DDHD2: variants seen among roughly 807,000 people sequenced by gnomAD.
DDHD2 encodes the protein DDHD domain containing 2, also known as triacylglycerol hydrolase DDHD2.
A neutral mutation model predicts 91.2 loss-of-function variants in DDHD2; 62 were observed. The observed-to-expected ratio is 0.68, with a 90% CI of 0.55 to 0.84. The LOEUF (loss-of-function observed/expected upper bound fraction) is 0.84. Among genes scored for constraint, DDHD2 ranks in the 40% least tolerant of loss-of-function variants. The pLI, the probability that DDHD2 is intolerant of heterozygous loss-of-function variation, is 0.00. For synonymous variants in DDHD2, 271 were observed against 293.9 expected (o/e 0.92, Z 0.80); for missense variants, 740 against 846.9 (o/e 0.87, Z 1.57).
chr8:38,246,266 A>G lies in DDHD2; in HGVS notation c.1091A>G (p.Gln364Arg). ...SLILFDILTN[Q>R]KDSLGDIDSE... ...ATATTGTTTGATATCCTAACAAATC[A>G]GAAAGATTCTTTGGGGGATATTGAC... is the stretch of plus-strand genomic sequence containing the variant. The change falls in exon 9 of 18, where the codon CAG (glutamine) becomes CGG (arginine). Residue 364 changes from glutamine to arginine, a missense_variant. Transcript: ENST00000397166. 6.2e-7 allele frequency: 1 copy of G among 1,609,788 alleles called. No individual in the cohort carries two copies. Among genetic ancestry groups the G allele is most frequent in the Non-Finnish European group, 8.5e-7 (1 of 1,176,792 alleles).
At chr8:38,265,984 C>G (rs1396144797), downstream of DDHD2, among the ~76,000 whole-genome samples, 2 of 152,094 alleles carry the variant, frequency 1.3e-5, no homozygotes, top group Non-Finnish European at 2.9e-5. Context: ...TCTTATCTTT[C>G]CTATAATTTT....
chr8:38,272,736 C>G (rs1808512973), downstream of DDHD2: 1 of 152,218 alleles, frequency 6.6e-6, no homozygotes, highest in South Asian at 2.1e-4. Context: ...AAACCAGCCA[C>G]TTACACTCTG....
intron 1 of DDHD2, chr8:38,268,348 G>C: frequency 1.3e-6 from 2 of 1,548,766 alleles, no homozygotes; most frequent in Non-Finnish European, 1.7e-6. Flanking sequence ...CGAAGAAACC[G>C]GCCCGAAAGG....
chr8:38,265,080 A>T, downstream of DDHD2: 3 of 683,364 alleles, frequency 4.4e-6, no homozygotes, highest in Non-Finnish European at 7.9e-6. Context: ...CAGCCTGACC[A>T]ACAAGTGAAA....
intron 11 of DDHD2, 195 bp downstream of exon 11, chr8:38,249,998 C>T (rs184082877): frequency 1.1e-5 from 3 of 274,000 alleles, no homozygotes; most frequent in African/African-American, 4.4e-5. Context: ...CTCATTGCAA[C>T]CTCTGCCTCC....
At chr8:38,269,154 C>T in intron 1 of DDHD2, 1 of 1,515,146 alleles carries the variant, frequency 6.6e-7, no homozygotes, top group Non-Finnish European at 8.8e-7. Flanking sequence ...GCGAGCCGCA[C>T]GCCCACTTCG....
chr8:38,267,578 A>G (rs966910754), downstream of DDHD2: 16 of 695,120 alleles, frequency 2.3e-5, no homozygotes, highest in Middle Eastern at 4.0e-4. Context: ...AAATTAGGGG[A>G]AAAACGCCCA....
At chr8:38,268,004 A>C (rs1807942325) in intron 1 of DDHD2, 1 of 1,613,692 alleles carries the variant, frequency 6.2e-7, no homozygotes, top group African/African-American at 1.3e-5. Flanking sequence ...TCTAGGAGGA[A>C]AGGTATGGTC....
downstream of DDHD2, chr8:38,264,367 A>C: frequency 1.7e-6 from 2 of 1,199,094 alleles, no homozygotes; most frequent in Non-Finnish European, 2.3e-6. Context: ...TCCTGACCTC[A>C]GGTGATCCAC....
intron 1 of DDHD2, chr8:38,267,890 C>CACTT (rs1429213582): frequency 1.9e-6 from 3 of 1,613,762 alleles, no homozygotes; most frequent in Non-Finnish European, 2.5e-6. Flanking sequence ...TAGCTGTTGT[C>CACTT]ACTTACCTCC....
chr8:38,266,047 C>T (rs1253964393), downstream of DDHD2: 2 of 1,154,148 alleles, frequency 1.7e-6, no homozygotes, highest in African/African-American at 1.5e-5. Flanking sequence ...TTTGTTCATT[C>T]AGCAGATATT....
chr8:38,259,756 GTGA>G (rs1806827795), intron 16 of DDHD2, among the ~76,000 whole-genome samples: 1 of 152,180 alleles, frequency 6.6e-6, no homozygotes, highest in East Asian at 1.9e-4. Flanking sequence ...CAGACCTGTA[GTGA>G]CTTGTCCACC....
chr8:38,267,110 G>C (rs1807739790), downstream of DDHD2: 2 of 1,491,268 alleles, frequency 1.3e-6, no homozygotes, highest in Non-Finnish European at 1.8e-6. Context: ...AAATAGTCAA[G>C]GCTCAGACTT....
intron 9 of DDHD2, chr8:38,247,304 A>G (rs539170930): frequency 2.0e-5 from 3 of 152,258 alleles, no homozygotes; most frequent in African/African-American, 7.2e-5. Flanking sequence ...TAATTTTTGT[A>G]TCTTTAGTAG....
At chr8:38,235,061 T>C (rs536352743) in intron 3 of DDHD2, among the ~76,000 whole-genome samples, 1 of 152,358 alleles carries the variant, frequency 6.6e-6, no homozygotes, top group East Asian at 1.9e-4. Context: ...GTGAAAAAGA[T>C]ATGAATTAGA....
intron 16 of DDHD2, 107 bp downstream of exon 16, chr8:38,253,825 A>G (rs1806300984): frequency 8.5e-7 from 1 of 1,178,424 alleles, no homozygotes; most frequent in South Asian, 1.5e-5. Flanking sequence ...CAGGCTTATA[A>G]TCTCAGCACT....
At chr8:38,249,931 T>C in intron 11 of DDHD2, 128 bp downstream of exon 11, 2 of 549,076 alleles carry the variant, frequency 3.6e-6, no homozygotes, top group Non-Finnish European at 6.5e-6. Flanking sequence ...GGCTCTTTTT[T>C]TTTGAGACAG....
intron 1 of DDHD2, chr8:38,269,209 AGCTCCG>A: frequency 6.7e-7 from 1 of 1,496,666 alleles, no homozygotes; most frequent in Non-Finnish European, 8.8e-7. Flanking sequence ...TCCGGCCGCG[AGCTCCG>A]AGCGACGCTG....
At position 38,245,843 on chromosome 8, in the gene DDHD2, A is replaced by G; in HGVS notation, c.950A>G (p.Gln317Arg). Residue 317 changes from glutamine (Q) to arginine (R), a missense_variant, in exon 8 of 18, where the codon CAG (glutamine) becomes CGG (arginine). Transcript: ENST00000397166. Reference protein sequence around the residue: ...VFFYNSPTYCQTIVDTVASEM... With the variant: ...VFFYNSPTYCRTIVDTVASEM... ...TTCTACAATAGTCCCACCTACTGTCAGACTATTGTGGACACAGTTGCTTCT... is the reference window on the plus strand; with the variant it reads ...TTCTACAATAGTCCCACCTACTGTCGGACTATTGTGGACACAGTTGCTTCT... The G allele has an allele frequency of 6.2e-7, 1 of 1,613,966 alleles. No individual in the cohort carries two copies. Among genetic ancestry groups the G allele is most frequent in the South Asian group, 1.1e-5 (1 of 91,088 alleles).
Sources: gnomAD v4.1 joint callset for allele counts (sites outside exome capture counted in the v4.1 genomes callset) on GRCh38, gnomAD v4.1.1 for gene constraint, MANE v1.5 for transcripts, NCBI Gene and HGNC (gene_info 2026-07-23, HGNC 2026-07-21) for gene names.